Variants in CACNB2 observed in about 807,000 individuals in gnomAD.
CACNB2 encodes calcium voltage-gated channel auxiliary subunit beta 2, also known as voltage-dependent L-type calcium channel subunit beta-2.
CACNB2 carries 42 observed loss-of-function variants against 73.3 expected under a neutral mutation model. The ratio of observed to expected loss-of-function variants is 0.57; its 90% CI spans 0.45 to 0.74. The LOEUF (loss-of-function observed/expected upper bound fraction) is 0.74, where lower values mean the gene tolerates loss of function less well. CACNB2 is among the 30% of genes least tolerant of loss of function. CACNB2 has a pLI of 0.00. For synonymous variants in CACNB2, 348 were observed against 310.3 expected, an observed-to-expected ratio of 1.12 and a Z score of -1.28; for missense variants, 940 against 853.0, an observed-to-expected ratio of 1.10 and a Z score of -1.27.
rs1409019129 is a variant in CACNB2, at chr10:18,147,618, G to A, written c.121-3265G>A. On this transcript the variant is annotated intron_variant, in intron 1 of 13. Transcript: ENST00000324631. ...AATGATTAACTGTTTCAGATATTGG[G>A]CGTTCATATATTTTAATGCTGGTAA... 2.0e-5 allele frequency among the ~76,000 whole-genome samples: 3 copies of A among 152,078 alleles called. No homozygotes were observed. In the East Asian group the frequency reaches 5.8e-4, roughly 29 times the overall value.
chr10:18,438,847 T>G (rs2046279158), intron 3 of CACNB2, among the ~76,000 whole-genome samples: 1 of 152,246 alleles, frequency 6.6e-6, no homozygotes, highest in South Asian at 2.1e-4. Context: ...TGACATGTTT[T>G]TATGCCCTCT....
chr10:18,519,024 C>CATGTCCCACCAGCGTTT, intron 9 of CACNB2, 56 bp downstream of exon 9: 1 of 1,460,552 alleles, frequency 6.8e-7, no homozygotes, highest in Non-Finnish European at 9.6e-7. Context: ...TGGCAAAACG[C>CATGTCCCACCAGCGTTT]TGGTGGGACA....
chr10:18,243,235 T>A (rs2036732672), intron 2 of CACNB2, among the ~76,000 whole-genome samples: 1 of 152,120 alleles, frequency 6.6e-6, no homozygotes, highest in African/African-American at 2.4e-5. Flanking sequence ...ATTCTAGATA[T>A]ACTGTTGTAT....
intron 2 of CACNB2, among the ~76,000 whole-genome samples, chr10:18,337,697 A>G (rs1439399656): frequency 6.6e-6 from 1 of 152,022 alleles, no homozygotes; most frequent in East Asian, 1.9e-4. Flanking sequence ...AGACATAACC[A>G]CCATCCTGGA....
At chr10:18,253,275 A>AT (rs1444877729) in intron 2 of CACNB2, among the ~76,000 whole-genome samples, 1 of 152,194 alleles carries the variant, frequency 6.6e-6, no homozygotes, top group Non-Finnish European at 1.5e-5. Flanking sequence ...TTTTAAATGA[A>AT]TTGCATAGTA....
At chr10:18,141,735 G>T (rs1277080272) in intron 1 of CACNB2, among the ~76,000 whole-genome samples, 2 of 152,222 alleles carry the variant, frequency 1.3e-5, no homozygotes, top group African/African-American at 4.8e-5. Flanking sequence ...AGGTCTCAGC[G>T]ATGAGGAGTC....
intron 2 of CACNB2, among the ~76,000 whole-genome samples, chr10:18,200,726 C>T (rs76774813): frequency 0.021 from 3,151 of 152,194 alleles, 83 homozygotes; most frequent in East Asian, 0.059. Context: ...CTTGTAACTT[C>T]ATCAAATTTA....
intron 2 of CACNB2, chr10:18,260,998 G>A: frequency 7.2e-7 from 1 of 1,387,144 alleles, no homozygotes; most frequent in Non-Finnish European, 9.3e-7. Flanking sequence ...ACTTCTTGTA[G>A]ATTTTTGCAA....
At chr10:18,306,605 T>A (rs1332803732) in intron 2 of CACNB2, among the ~76,000 whole-genome samples, 1 of 152,144 alleles carries the variant, frequency 6.6e-6, no homozygotes, top group African/African-American at 2.4e-5. Flanking sequence ...TGAAACTGGA[T>A]AAAGTGTTAT....
chr10:18,372,726 C>T (rs544420600), intron 2 of CACNB2, among the ~76,000 whole-genome samples: 2 of 152,134 alleles, frequency 1.3e-5, no homozygotes, highest in East Asian at 1.9e-4. Context: ...TATTTTTAAG[C>T]CATATTTCCT....
At chr10:18,390,769 C>T (rs1364583253) in intron 2 of CACNB2, among the ~76,000 whole-genome samples, 1 of 152,216 alleles carries the variant, frequency 6.6e-6, no homozygotes, top group African/African-American at 2.4e-5. Context: ...TCAACAGTCA[C>T]TCACACAATA....
chr10:18,182,073 G>A (rs77868870), intron 2 of CACNB2: 3,568 of 152,398 alleles, frequency 0.023, 55 homozygotes, highest in Middle Eastern at 0.1. Context: ...ATGAATCTGA[G>A]GAGGACCTTC....
chr10:18,485,045 C>T (rs898219685), intron 3 of CACNB2, among the ~76,000 whole-genome samples: 5 of 152,016 alleles, frequency 3.3e-5, no homozygotes, highest in African/African-American at 1.2e-4. Context: ...ATCCCAGCTA[C>T]TTGGGAGGAT....
chr10:18,174,556 C>T (rs1374565193), intron 2 of CACNB2, among the ~76,000 whole-genome samples: 1 of 151,506 alleles, frequency 6.6e-6, no homozygotes, highest in Admixed American at 6.6e-5. Context: ...GGTGCCTGCC[C>T]CCATGCCCAG....
intron 9 of CACNB2, 76 bp from the exon 10 acceptor site, chr10:18,527,512 A>G (rs1589700401): frequency 1.2e-6 from 1 of 867,988 alleles, no homozygotes; most frequent in East Asian, 2.4e-5. Flanking sequence ...ACTTAGATGA[A>G]TTTGGGGCAT....
chr10:18,411,855 C>T (rs79615672), intron 3 of CACNB2, among the ~76,000 whole-genome samples: 2,212 of 152,316 alleles, frequency 0.015, 17 homozygotes, highest in Middle Eastern at 0.034. Flanking sequence ...CCTTACAATA[C>T]ATACAGCACT....
chr10:18,223,191 C>G (rs1003763806), intron 2 of CACNB2, among the ~76,000 whole-genome samples: 100 of 152,228 alleles, frequency 6.6e-4, no homozygotes, highest in African/African-American at 2.4e-3. Context: ...ATTTTGATGC[C>G]TTTTGCTTAA....
intron 2 of CACNB2, among the ~76,000 whole-genome samples, chr10:18,370,494 T>C (rs2042534593): frequency 6.6e-6 from 1 of 152,188 alleles, no homozygotes; most frequent in South Asian, 2.1e-4. Flanking sequence ...GAGACAGGGT[T>C]TCGCCATGTT....
At chr10:18,450,568 G>A (rs1013327181) in intron 3 of CACNB2, among the ~76,000 whole-genome samples, 1 of 151,958 alleles carries the variant, frequency 6.6e-6, no homozygotes, top group African/African-American at 2.4e-5. Flanking sequence ...GTCAGAGTAC[G>A]GGAGAGGGAG....
Sources: allele counts gnomAD v4.1 joint callset (sites outside exome capture counted in the v4.1 genomes callset), GRCh38; gene constraint gnomAD v4.1.1; transcripts MANE v1.5; gene names NCBI Gene and HGNC (gene_info 2026-07-23, HGNC 2026-07-21).